Variants in ATXN1 observed in about 807,000 individuals in gnomAD.
ATXN1 encodes ataxin 1, also known as ataxin-1.
ATXN1 carries 8 observed loss-of-function variants against 56.4 expected under a neutral mutation model. The observed-to-expected ratio is 0.14, with a 90% CI of 0.08 to 0.26. The LOEUF is 0.26. ATXN1 is among the 10% of genes least tolerant of loss of function. ATXN1 has a pLI of 1.00. For missense variants in ATXN1, 987 were observed against 1,106.5 expected (o/e 0.89, Z 1.53); for synonymous variants, 514 against 494.6 (o/e 1.04, Z -0.52).
At chr6:16,402,950 C>A (rs1405536703) in intron 6 of ATXN1, among the ~76,000 whole-genome samples, 1 of 152,168 alleles carries the variant, frequency 6.6e-6, no homozygotes, top group Non-Finnish European at 1.5e-5. Context: ...TCTTGACAAC[C>A]AGAGGAGGAA....
intron 2 of ATXN1, among the ~76,000 whole-genome samples, chr6:16,714,575 T>G (rs1010245451): frequency 2.0e-5 from 3 of 152,222 alleles, no homozygotes; most frequent in African/African-American, 7.2e-5. Context: ...TGTCCCATCT[T>G]TTTCTAAGCA....
At chr6:16,728,947 G>A (rs931749304) in intron 2 of ATXN1, among the ~76,000 whole-genome samples, 1 of 152,074 alleles carries the variant, frequency 6.6e-6, no homozygotes, top group Admixed American at 6.5e-5. Context: ...GAATTTTTAA[G>A]GTGCTATCAC....
At chr6:16,533,077 A>C (rs987231526) in intron 4 of ATXN1, among the ~76,000 whole-genome samples, 1 of 152,234 alleles carries the variant, frequency 6.6e-6, no homozygotes, top group Non-Finnish European at 1.5e-5. Context: ...ACATGCTACA[A>C]CATGGATATG....
intron 6 of ATXN1, among the ~76,000 whole-genome samples, chr6:16,358,983 C>A (rs1487562906): frequency 2.0e-5 from 3 of 152,208 alleles, no homozygotes; most frequent in Non-Finnish European, 2.9e-5. Flanking sequence ...TGTGGCCAAC[C>A]CTCCCAGGCA....
chr6:16,498,783 G>T (rs1039858375), intron 5 of ATXN1, among the ~76,000 whole-genome samples: 2 of 152,086 alleles, frequency 1.3e-5, no homozygotes, highest in Non-Finnish European at 2.9e-5. Flanking sequence ...AAGCTTATTG[G>T]CTATTTATAT....
At chr6:16,627,369 G>A (rs1305036618) in intron 3 of ATXN1, among the ~76,000 whole-genome samples, 1 of 152,128 alleles carries the variant, frequency 6.6e-6, no homozygotes, top group Non-Finnish European at 1.5e-5. Flanking sequence ...CTGGCAGTAG[G>A]CCTCCCAAAC....
At chr6:16,537,994 T>C (rs1761638433) in intron 4 of ATXN1, among the ~76,000 whole-genome samples, 1 of 152,178 alleles carries the variant, frequency 6.6e-6, no homozygotes, top group African/African-American at 2.4e-5. Context: ...TCTCAGCTAC[T>C]TGGGAGGTCA....
chr6:16,301,195 A>C lies in ATXN1; in HGVS notation c.*5134T>G, dbSNP rs1019390818. ...TCATTTTTCTTTTGTGCAATTTTTT[A>C]AAACATTACCTGTACTCCTCAAAGT... On this transcript the variant is annotated 3_prime_UTR_variant, in exon 8 of 8. Transcript: ENST00000436367. 1.3e-5 allele frequency: 2 copies of C among 152,308 alleles called. No individual in the cohort carries two copies. Among genetic ancestry groups the C allele is most frequent in the Non-Finnish European group, 2.9e-5 (2 of 67,996 alleles). 9.4% of individuals were successfully genotyped at this position (152,308 alleles called of 1,614,324 possible). A position where few individuals can be genotyped will look rare whatever the true frequency, so the allele number is the denominator to read the frequency against.
intron 6 of ATXN1, among the ~76,000 whole-genome samples, chr6:16,455,211 A>T (rs1759840559): frequency 6.6e-6 from 1 of 152,258 alleles, no homozygotes; most frequent in Non-Finnish European, 1.5e-5. Flanking sequence ...ACAGAGCTGT[A>T]GAAAACTTCA....
chr6:16,690,076 T>A (rs907391272), intron 2 of ATXN1, among the ~76,000 whole-genome samples: 1 of 152,142 alleles, frequency 6.6e-6, no homozygotes, highest in Non-Finnish European at 1.5e-5. Context: ...GGGTTTTTTT[T>A]AATTTTAATT....
At chr6:16,732,551 A>G (rs1420902701) in intron 2 of ATXN1, among the ~76,000 whole-genome samples, 3 of 152,154 alleles carry the variant, frequency 2.0e-5, no homozygotes, top group African/African-American at 7.2e-5. Context: ...AGTCTGGGTA[A>G]CAGAGTGAGA....
chr6:16,538,231 A>G (rs768437021), intron 4 of ATXN1, among the ~76,000 whole-genome samples: 2 of 152,204 alleles, frequency 1.3e-5, no homozygotes, highest in Non-Finnish European at 2.9e-5. Flanking sequence ...TCTGGGTTTA[A>G]ATGACCTTGG....
chr6:16,321,950 C>T (rs1016310079), intron 7 of ATXN1, among the ~76,000 whole-genome samples: 1 of 152,184 alleles, frequency 6.6e-6, no homozygotes, highest in African/African-American at 2.4e-5. Context: ...GGCCGGGCGC[C>T]GTGGCTCACG....
Position 16,327,539 on chromosome 6 carries a change from C to T in ATXN1, c.772G>A (p.Gly258Ser), listed in dbSNP as rs144962740. ...VHISSSPQNT[G>S]RTASPPAIPV... ...ATGGCCGGAGGAGAGGCGGTGCGGC[C>T]GGTGTTCTGCGGAGAACTGGAAATG... Residue 258 changes from glycine to serine, a missense_variant, in exon 7 of 8, where the codon GGC (glycine) becomes AGC (serine). By Grantham distance (56) the Gly-to-Ser change is moderately conservative. Coordinates refer to ENST00000436367, the MANE Select transcript of ATXN1 (RefSeq NM_001128164.2). 1.1e-5 allele frequency: 18 copies of T among 1,608,220 alleles called. No homozygotes were observed. Among genetic ancestry groups the T allele is most frequent in the African/African-American group, 5.4e-5 (4 of 74,750 alleles).
chr6:16,715,860 C>T (rs1759628384), intron 2 of ATXN1, among the ~76,000 whole-genome samples: 3 of 152,190 alleles, frequency 2.0e-5, no homozygotes, highest in South Asian at 2.1e-4. Context: ...TTTCCTGTAA[C>T]CCCATACCAC....
intron 1 of ATXN1, among the ~76,000 whole-genome samples, chr6:16,756,603 A>C (rs1760894067): frequency 6.6e-6 from 1 of 152,210 alleles, no homozygotes; most frequent in South Asian, 2.1e-4. Context: ...CACAGAAACT[A>C]ATCATTCGAA....
chr6:16,711,329 C>G (rs1759517496), intron 2 of ATXN1, among the ~76,000 whole-genome samples: 1 of 152,110 alleles, frequency 6.6e-6, no homozygotes, highest in East Asian at 1.9e-4. Context: ...AGGAGGATAA[C>G]ATCTTAGCAA....
At chr6:16,411,125 C>CAAAAAAAAAAAAAAAAAAAAAA (rs746717153) in intron 6 of ATXN1, among the ~76,000 whole-genome samples, 3 of 80,672 alleles carry the variant, frequency 3.7e-5, no homozygotes, top group Admixed American at 1.5e-4. Context: ...ACCTCTGTGT[C>CAAAAAAAAAAAAAAAAAAAAAA]AAAAAAAAAA....
At chr6:16,714,068 T>A (rs1202250866) in intron 2 of ATXN1, among the ~76,000 whole-genome samples, 1 of 151,454 alleles carries the variant, frequency 6.6e-6, no homozygotes, top group East Asian at 1.9e-4. Context: ...AGGCAGAGAA[T>A]CACTTGAACC....
Sources: gnomAD v4.1 joint callset for allele counts (sites outside exome capture counted in the v4.1 genomes callset) on GRCh38, gnomAD v4.1.1 for gene constraint, MANE v1.5 for transcripts, NCBI Gene and HGNC (gene_info 2026-07-23, HGNC 2026-07-21) for gene names.